NECTIN1: variants seen among roughly 807,000 people sequenced by gnomAD.
The protein encoded by NECTIN1 is nectin-1.
NECTIN1 carries 23 observed loss-of-function variants against 48.0 expected under a neutral mutation model. The observed-to-expected ratio is 0.48, with a 90% CI of 0.34 to 0.68. NECTIN1 has a LOEUF of 0.68. Among genes scored for constraint, NECTIN1 ranks in the 30% least tolerant of loss-of-function variants. The pLI, the probability that NECTIN1 is intolerant of heterozygous loss-of-function variation, is 0.01. For synonymous variants in NECTIN1, 270 were observed against 288.9 expected (o/e 0.93, Z 0.66); for missense variants, 591 against 709.9 (o/e 0.83, Z 1.90).
In NECTIN1 at chr11:119,665,413, A is replaced by G; in HGVS notation, c.1004-116T>C. The stretch of plus-strand genomic sequence containing the variant: ...AGGAAGGACAGGCTGTCTGCACCCC[A>G]GGTTTGAGCAGCTCCAGTTCGAGGC... On this transcript the variant is annotated intron_variant, in intron 5 of 5. Coordinates refer to ENST00000264025, the MANE Select transcript of NECTIN1 (RefSeq NM_002855.5). This position sits in a 1 kb window ranked among gnomAD's most constrained non-coding sequence, Gnocchi z 5.1. 1 of 1,446,628 alleles carries G rather than the reference A, an allele frequency of 6.9e-7. No individual in the cohort carries two copies. The highest frequency in any genetic ancestry group is 9.1e-7 in the Non-Finnish European group (1 of 1,103,200). 89.6% of individuals were successfully genotyped at this position (1,446,628 alleles called of 1,614,324 possible).
chr11:119,674,569 C>A (rs1175297781), intron 5 of NECTIN1: 1 of 1,614,206 alleles, frequency 6.2e-7, no homozygotes, highest in Admixed American at 1.7e-5. Context: ...ATGCTCCTTT[C>A]ACGTCCCAGG....
Position 119,677,988 on chromosome 11 carries a change from T to A in NECTIN1, c.431-131A>T, listed in dbSNP as rs2292293. 12 of 885,528 alleles carry A rather than the reference T, an allele frequency of 1.4e-5. No individual in the cohort carries two copies. The highest frequency in any genetic ancestry group is 7.9e-5 in the Admixed American group (4 of 50,566). 54.9% of individuals were successfully genotyped at this position (885,528 alleles called of 1,614,324 possible). A position where few individuals can be genotyped will look rare whatever the true frequency, so the allele number is the denominator to read the frequency against. On this transcript the variant is annotated intron_variant, in intron 2 of 5. Transcript: ENST00000264025. This position sits in a 1 kb window ranked among gnomAD's most constrained non-coding sequence, Gnocchi z 5.4. Reference sequence around the variant, plus strand: ...GGCCATCCCTGCCTCTCAGCTGTGCTGCACCAAAGACTGTCCCAGAACCTC... The same window carrying A: ...GGCCATCCCTGCCTCTCAGCTGTGCAGCACCAAAGACTGTCCCAGAACCTC...
chr11:119,678,821 A>G lies in NECTIN1; in HGVS notation c.80-56T>C. Reference sequence around the variant, plus strand: ...TGTCAGGCACAGCCTCCCCCCACCCACACAGTTCCCTGTGCTCTGGCCTTG... The same window carrying G: ...TGTCAGGCACAGCCTCCCCCCACCCGCACAGTTCCCTGTGCTCTGGCCTTG... On this transcript the variant is annotated intron_variant, in intron 1 of 5. Transcript: ENST00000264025. This position sits in a 1 kb window ranked among gnomAD's most constrained non-coding sequence, Gnocchi z 4.4. The G allele has an allele frequency of 4.1e-6, 5 of 1,222,084 alleles. No homozygotes were observed. The South Asian group carries it at 6.4e-5, about 16-fold the overall frequency. 75.7% of individuals were successfully genotyped at this position (1,222,084 alleles called of 1,614,324 possible). A position where few individuals can be genotyped will look rare whatever the true frequency, so the allele number is the denominator to read the frequency against.
intron 5 of NECTIN1, among the ~76,000 whole-genome samples, chr11:119,651,818 G>A (rs551847064): frequency 3.0e-4 from 46 of 152,266 alleles, no homozygotes; most frequent in African/African-American, 1.0e-3. Flanking sequence ...GCTCTGGGGC[G>A]GACCTGCTAC....
chr11:119,665,254 G>A lies in NECTIN1; in HGVS notation c.1047C>T (p.Ala349=), dbSNP rs372634692. 5 of 1,598,212 alleles carry A rather than the reference G, an allele frequency of 3.1e-6. No homozygotes were observed. Among genetic ancestry groups the A allele is most frequent in the East Asian group, 4.5e-5 (2 of 44,766 alleles). The stretch of plus-strand genomic sequence containing the variant: ...CAATGATGGCCGTGGGCACCGGCCC[G>A]GCGCGCCGCCCATGTTCGGGAGGAG... ...TPSPPEHGRR[A]GPVPTAIIGG... is the part of the protein sequence containing the mutation. The change falls in exon 6 of 6, where the codon GCC becomes GCT. Residue 349 remains alanine, a synonymous_variant. Transcript: ENST00000264025. The surrounding 1 kb of genome is among the most constrained non-coding windows in gnomAD (Gnocchi z 5.1).
Position 119,661,505 on chromosome 11 carries a change from C to G in NECTIN1, c.*3242G>C. ...GTTGGCAGTCAGGCTTTGGGGGTCT[C>G]TGTCTGGACTCCTGAGGCCTGGGAG... On this transcript the variant is annotated 3_prime_UTR_variant, in exon 6 of 6. Transcript: ENST00000264025. 1 of 985,924 alleles carries G rather than the reference C, an allele frequency of 1.0e-6. No individual in the cohort carries two copies. Among genetic ancestry groups the G allele is most frequent in the Non-Finnish European group, 1.2e-6 (1 of 830,016 alleles). The allele number at this position is 985,924 out of a possible 1,614,324, so 61.1% of individuals were successfully genotyped here.
At chr11:119,700,263 G>T (rs1265871122) in intron 1 of NECTIN1, among the ~76,000 whole-genome samples, 1 of 152,192 alleles carries the variant, frequency 6.6e-6, no homozygotes, top group African/African-American at 2.4e-5. Context: ...TCCCCTGGAA[G>T]GTTGCCCGTT....
At position 119,709,154 on chromosome 11, in the gene NECTIN1, T is replaced by G. The variant is rs1252365350; in HGVS notation, c.79+19321A>C. The stretch of plus-strand genomic sequence containing the variant: ...CCTGACAAGCCACACCACCTATTTT[T>G]GAAGACAGGCGGGTCCCTTGGTAAT... On this transcript the variant is annotated intron_variant, in intron 1 of 5. Coordinates refer to ENST00000264025, the MANE Select transcript of NECTIN1 (RefSeq NM_002855.5). This position sits in a 1 kb window ranked among gnomAD's most constrained non-coding sequence, Gnocchi z 4.1. 6.6e-6 allele frequency among the ~76,000 whole-genome samples: 1 copy of G among 152,138 alleles called. No individual in the cohort carries two copies. The highest frequency in any genetic ancestry group is 1.5e-5 in the Non-Finnish European group (1 of 68,012).
Position 119,639,762 on chromosome 11 carries a change from G to A in NECTIN1, c.1151+103C>T. 2.0e-6 allele frequency: 3 copies of A among 1,503,476 alleles called. No individual in the cohort carries two copies. The South Asian group carries it at 3.4e-5, about 17-fold the overall frequency. 93.1% of individuals were successfully genotyped at this position (1,503,476 alleles called of 1,614,324 possible). ...CCCCAGGGTGGGGAGGCCCTAGAAA[G>A]GCCCTGAGCTTTCACAAGTTTAGGT... On this transcript the variant is annotated intron_variant, in intron 6 of 7. Transcript: ENST00000341398.
In NECTIN1 at chr11:119,677,042, C is replaced by T; in HGVS notation, c.851+60G>A. On this transcript the variant is annotated intron_variant, in intron 4 of 5. Transcript: ENST00000264025. The surrounding 1 kb of genome is among the most constrained non-coding windows in gnomAD (Gnocchi z 5.4). ...TCCTGGAGGTAGGATGGTTGCCCCT[C>T]ATCACCCGTGGTCCAGTCAGCTGTC... 1.4e-6 allele frequency: 2 copies of T among 1,440,150 alleles called. No homozygotes were observed. The highest frequency in any genetic ancestry group is 1.1e-5 in the South Asian group (1 of 87,646). The allele number at this position is 1,440,150 out of a possible 1,614,324, so 89.2% of individuals were successfully genotyped here. A position where few individuals can be genotyped will look rare whatever the true frequency, so the allele number is the denominator to read the frequency against.
At chr11:119,717,557 TC>T (rs1259098810) in intron 1 of NECTIN1, among the ~76,000 whole-genome samples, 1 of 152,138 alleles carries the variant, frequency 6.6e-6, no homozygotes, top group Non-Finnish European at 1.5e-5. Flanking sequence ...GATAAAATAA[TC>T]CAGTGCAGTG....
Position 119,661,166 on chromosome 11 carries a change from C to T in NECTIN1, c.*3581G>A, listed in dbSNP as rs968021535. 1 of 985,712 alleles carries T rather than the reference C, an allele frequency of 1.0e-6. No individual in the cohort carries two copies. The highest frequency in any genetic ancestry group is 1.2e-6 in the Non-Finnish European group (1 of 829,958). 61.1% of individuals were successfully genotyped at this position (985,712 alleles called of 1,614,324 possible). ...CAAAGGCGGAAAGGGCGACAAGACGCCGAAGCAAGGTAGCGCATCACGCTG... is the reference window on the plus strand; with the variant it reads ...CAAAGGCGGAAAGGGCGACAAGACGTCGAAGCAAGGTAGCGCATCACGCTG... On this transcript the variant is annotated 3_prime_UTR_variant, in exon 6 of 6. Transcript: ENST00000264025.
At chr11:119,659,674 T>C (rs1403712865), downstream of NECTIN1, among the ~76,000 whole-genome samples, 2 of 152,212 alleles carry the variant, frequency 1.3e-5, no homozygotes, top group Non-Finnish European at 2.9e-5. Context: ...GGACTGAGTC[T>C]GGCTTCTCCA....
intron 1 of NECTIN1, among the ~76,000 whole-genome samples, chr11:119,714,986 A>G (rs936795291): frequency 6.6e-6 from 1 of 152,030 alleles, no homozygotes; most frequent in African/African-American, 2.4e-5. Flanking sequence ...CTGTCTGTAA[A>G]TGCCTGCAGG....
chr11:119,722,078 T>C (rs1865841424), intron 1 of NECTIN1, among the ~76,000 whole-genome samples: 1 of 152,222 alleles, frequency 6.6e-6, no homozygotes, highest in Non-Finnish European at 1.5e-5. Context: ...TCCCGATCTT[T>C]TCATCCTTCT....
intron 1 of NECTIN1, among the ~76,000 whole-genome samples, chr11:119,725,830 G>C (rs1308472347): frequency 6.6e-6 from 1 of 152,122 alleles, no homozygotes; most frequent in Non-Finnish European, 1.5e-5. Flanking sequence ...GGGAGGGTGT[G>C]GTGTAGGTGG....
chr11:119,654,860 T>A (rs1565379002), intron 5 of NECTIN1, among the ~76,000 whole-genome samples: 1 of 152,054 alleles, frequency 6.6e-6, no homozygotes, highest in Non-Finnish European at 1.5e-5. Context: ...TGAGCCACTG[T>A]GCCCGGCCCA....
chr11:119,688,886 T>C (rs959429361), intron 1 of NECTIN1, among the ~76,000 whole-genome samples: 2 of 151,146 alleles, frequency 1.3e-5, no homozygotes, highest in Non-Finnish European at 2.9e-5. Flanking sequence ...ATATGGGTTA[T>C]AGAGTGGCAT....
rs1206744894 is a variant in NECTIN1 at position 119,709,401 on chromosome 11, G to A, written c.79+19074C>T. Reference sequence around the variant, plus strand: ...CTTGCCTGGGCCACTCTGCTACCTGGGGCCGGGGGAGAGCCTGCAGGGGCA... The same window carrying A: ...CTTGCCTGGGCCACTCTGCTACCTGAGGCCGGGGGAGAGCCTGCAGGGGCA... On this transcript the variant is annotated intron_variant, in intron 1 of 5. Transcript: ENST00000264025. This position sits in a 1 kb window ranked among gnomAD's most constrained non-coding sequence, Gnocchi z 4.1. Among the ~76,000 whole-genome samples the A allele has an allele frequency of 6.6e-6, 1 of 152,182 alleles. No individual in the cohort carries two copies. Among genetic ancestry groups the A allele is most frequent in the Non-Finnish European group, 1.5e-5 (1 of 68,028 alleles).
Sources: allele counts gnomAD v4.1 joint callset (sites outside exome capture counted in the v4.1 genomes callset), GRCh38; gene constraint gnomAD v4.1.1; non-coding constraint Gnocchi (gnomAD v3.1); transcripts MANE v1.5; gene names NCBI Gene and HGNC (gene_info 2026-07-23, HGNC 2026-07-21).